Variants in SNCAIP observed in about 807,000 individuals in gnomAD.
SNCAIP encodes synuclein alpha interacting protein.
In SNCAIP, 43 loss-of-function variants were observed where a neutral mutation model predicts 86.7. The ratio of observed to expected loss-of-function variants is 0.50; its 90% CI spans 0.39 to 0.64. The LOEUF is 0.64. SNCAIP is among the 30% of genes least tolerant of loss of function. SNCAIP has a pLI of 0.00. For missense variants in SNCAIP, 981 were observed against 1,103.1 expected (o/e 0.89, Z 1.57); for synonymous variants, 417 against 427.2 (o/e 0.98, Z 0.29).
At chr5:122,382,632 T>A (rs1767111810) in intron 1 of SNCAIP, among the ~76,000 whole-genome samples, 1 of 152,094 alleles carries the variant, frequency 6.6e-6, no homozygotes, top group Admixed American at 6.5e-5. Flanking sequence ...CGTTTTAGAG[T>A]TTCCAGTTTT....
intron 1 of SNCAIP, among the ~76,000 whole-genome samples, chr5:122,369,463 C>T: frequency 6.6e-6 from 1 of 152,216 alleles, no homozygotes; most frequent in Non-Finnish European, 1.5e-5. Context: ...AACCACTTTA[C>T]ATAGGATTGC....
intron 1 of SNCAIP, among the ~76,000 whole-genome samples, chr5:122,388,330 C>G (rs1390902282): frequency 1.3e-5 from 2 of 152,082 alleles, no homozygotes; most frequent in Non-Finnish European, 1.5e-5. Flanking sequence ...ATTCAGCTCA[C>G]AGGCCTCCAA....
At chr5:122,376,703 C>G (rs1478231696) in intron 1 of SNCAIP, among the ~76,000 whole-genome samples, 1 of 152,136 alleles carries the variant, frequency 6.6e-6, no homozygotes, top group Non-Finnish European at 1.5e-5. Flanking sequence ...CTTGCTCCCT[C>G]CTTTCTCTCC....
chr5:122,444,740 G>GC lies in SNCAIP; in HGVS notation c.1592+10dup, dbSNP rs1237305014. The GC allele has an allele frequency of 1.1e-5, 18 of 1,612,446 alleles. No homozygotes were observed. The highest frequency in any genetic ancestry group is 1.5e-5 in the Non-Finnish European group (18 of 1,178,684). On this transcript the variant is annotated intron_variant, in intron 8 of 10. Coordinates refer to ENST00000261368, the MANE Select transcript of SNCAIP (RefSeq NM_005460.4). ...AACCAAGCAGCTAAAGGAGTAAGTG[G>GC]CCTGTTGGTTCCATGAGAACCAAGT...
chr5:122,384,121 T>C (rs1767580837), intron 1 of SNCAIP, among the ~76,000 whole-genome samples: 1 of 152,176 alleles, frequency 6.6e-6, no homozygotes, highest in Non-Finnish European at 1.5e-5. Context: ...TGTCTGGAAT[T>C]CTGACCTAGA....
intron 3 of SNCAIP, among the ~76,000 whole-genome samples, chr5:122,404,777 G>A (rs1197455162): frequency 2.0e-5 from 3 of 152,110 alleles, no homozygotes; most frequent in African/African-American, 7.2e-5. Flanking sequence ...TAATGGAAAG[G>A]ATTTTTTACA....
At chr5:122,385,414 T>G (rs1335107795) in intron 1 of SNCAIP, among the ~76,000 whole-genome samples, 1 of 152,180 alleles carries the variant, frequency 6.6e-6, no homozygotes, top group Non-Finnish European at 1.5e-5. Context: ...GATGAGGCAT[T>G]TACTGACTGC....
intron 1 of SNCAIP, among the ~76,000 whole-genome samples, chr5:122,361,552 G>A (rs1433273531): frequency 2.6e-5 from 4 of 152,082 alleles, no homozygotes; most frequent in Non-Finnish European, 5.9e-5. Context: ...TGAAGGAGCT[G>A]TTTTTTTAAA....
At chr5:122,432,525 T>C (rs1032929441) in intron 6 of SNCAIP, among the ~76,000 whole-genome samples, 2 of 152,192 alleles carry the variant, frequency 1.3e-5, no homozygotes. Context: ...AATTTTTCAG[T>C]ATTTTCCAAA....
chr5:122,345,849 C>T (rs1206458950), intron 1 of SNCAIP, among the ~76,000 whole-genome samples: 2 of 151,906 alleles, frequency 1.3e-5, no homozygotes, highest in Non-Finnish European at 2.9e-5. Flanking sequence ...GATAGGGTCT[C>T]GCTTTGTTTC....
intron 6 of SNCAIP, chr5:122,437,110 C>T (rs1159521432): frequency 6.6e-6 from 1 of 152,150 alleles, no homozygotes; most frequent in African/African-American, 2.4e-5. Flanking sequence ...AAGTTACATC[C>T]ATCCTTTAAT....
At chr5:122,417,736 A>T (rs1221282302) in intron 3 of SNCAIP, among the ~76,000 whole-genome samples, 1 of 139,454 alleles carries the variant, frequency 7.2e-6, no homozygotes, top group East Asian at 2.1e-4. Flanking sequence ...TTCCCTCCCC[A>T]CCTCCCCTTT....
intron 1 of SNCAIP, among the ~76,000 whole-genome samples, chr5:122,337,857 G>A (rs1027483766): frequency 6.6e-6 from 1 of 152,218 alleles, no homozygotes; most frequent in African/African-American, 2.4e-5. Context: ...GTTTATTTTT[G>A]ACAGCACAAC....
chr5:122,453,364 G>C (rs190827129), intron 10 of SNCAIP, among the ~76,000 whole-genome samples: 2 of 152,276 alleles, frequency 1.3e-5, no homozygotes, highest in East Asian at 3.9e-4. Context: ...ATCAGAACTA[G>C]AACTTTGAAA....
At chr5:122,391,889 C>T (rs535966092) in intron 2 of SNCAIP, among the ~76,000 whole-genome samples, 33 of 152,310 alleles carry the variant, frequency 2.2e-4, no homozygotes, top group African/African-American at 5.8e-4. Context: ...AATTCTGCTA[C>T]GCTAGCAAAC....
chr5:122,390,813 C>T (rs975712311), intron 1 of SNCAIP, among the ~76,000 whole-genome samples: 19 of 152,140 alleles, frequency 1.2e-4, no homozygotes, highest in African/African-American at 4.6e-4. Context: ...AGATTCTGAC[C>T]CAAGTTACTG....
chr5:122,360,248 T>C (rs1761941697), intron 1 of SNCAIP, among the ~76,000 whole-genome samples: 1 of 152,186 alleles, frequency 6.6e-6, no homozygotes, highest in Non-Finnish European at 1.5e-5. Context: ...CAAGCAAATA[T>C]GTAAGAATGT....
At chr5:122,325,670 G>A (rs1232282512) in intron 1 of SNCAIP, among the ~76,000 whole-genome samples, 2 of 152,164 alleles carry the variant, frequency 1.3e-5, no homozygotes, top group African/African-American at 4.8e-5. Flanking sequence ...AAGAATGGCA[G>A]GATTTATCAG....
rs114121517 is a variant in SNCAIP, at chr5:122,422,355, G to A, written c.131-513G>A. ...GAGTCACTCAAGGAGGTCATAGTTT[G>A]AATTTGCTCAATATTAAATAATTTG... is the stretch of plus-strand genomic sequence containing the variant. On this transcript the variant is annotated intron_variant, in intron 3 of 10. Transcript: ENST00000261368. 4.7e-3 allele frequency among the ~76,000 whole-genome samples: 718 copies of A among 152,236 alleles called. 5 individuals are homozygous for A. Among genetic ancestry groups the A allele is most frequent in the African/African-American group, 0.016 (672 of 41,530 alleles).
Sources: allele counts gnomAD v4.1 joint callset (sites outside exome capture counted in the v4.1 genomes callset), GRCh38; gene constraint gnomAD v4.1.1; transcripts MANE v1.5; gene names NCBI Gene and HGNC (gene_info 2026-07-23, HGNC 2026-07-21).